Variants in NKAIN1 observed in about 807,000 individuals in gnomAD.
NKAIN1 encodes the protein sodium/potassium-transporting ATPase subunit beta-1-interacting protein 1.
In NKAIN1, 13 loss-of-function variants were observed where a neutral mutation model predicts 31.6. The ratio of observed to expected loss-of-function variants is 0.41; its 90% CI spans 0.27 to 0.65. The LOEUF (loss-of-function observed/expected upper bound fraction) is 0.65, where lower values mean the gene tolerates loss of function less well. Among genes scored for constraint, NKAIN1 ranks in the 30% least tolerant of loss-of-function variants. The probability of loss-of-function intolerance (pLI) is 0.30; values close to 1 mark genes in which losing one functional copy is unlikely to be tolerated. For missense variants in NKAIN1, 193 were observed against 262.2 expected (o/e 0.74, Z 1.82); for synonymous variants, 104 against 109.0 (o/e 0.95, Z 0.28).
chr1:31,230,213 T>C (rs181604811), intron 1 of NKAIN1, among the ~76,000 whole-genome samples: 115 of 152,308 alleles, frequency 7.6e-4, no homozygotes, highest in Middle Eastern at 6.8e-3. Flanking sequence ...GTACCCCCTT[T>C]GTGAGCTCCC....
Position 31,181,658 on chromosome 1 carries a change from G to C in NKAIN1, c.*45C>G. 7.0e-7 allele frequency: 1 copy of C among 1,430,860 alleles called. No homozygotes were observed. Among genetic ancestry groups the C allele is most frequent in the Non-Finnish European group, 9.2e-7 (1 of 1,086,138 alleles). The allele number at this position is 1,430,860 out of a possible 1,614,324, so 88.6% of individuals were successfully genotyped here. A position where few individuals can be genotyped will look rare whatever the true frequency, so the allele number is the denominator to read the frequency against. ...GCCTTGGCCCGAGCTCGCGGCAGCTGCGGTCAGCCCAGGGCGAGGCGCCGG... is the reference window on the plus strand; with the variant it reads ...GCCTTGGCCCGAGCTCGCGGCAGCTCCGGTCAGCCCAGGGCGAGGCGCCGG... On this transcript the variant is annotated 3_prime_UTR_variant, in exon 7 of 7. Transcript: ENST00000373736.
chr1:31,189,209 C>T (rs893035523), intron 1 of NKAIN1, among the ~76,000 whole-genome samples: 2 of 151,980 alleles, frequency 1.3e-5, no homozygotes, highest in South Asian at 2.1e-4. Flanking sequence ...TAGATCACCC[C>T]GGGTCACTAG....
At chr1:31,229,948 C>T (rs1320309988) in intron 1 of NKAIN1, among the ~76,000 whole-genome samples, 1 of 152,212 alleles carries the variant, frequency 6.6e-6, no homozygotes, top group Non-Finnish European at 1.5e-5. Flanking sequence ...TAGTGAGTGG[C>T]AGCCTGTGCC....
intron 1 of NKAIN1, among the ~76,000 whole-genome samples, chr1:31,237,866 A>G (rs545472190): frequency 6.6e-6 from 1 of 152,220 alleles, no homozygotes; most frequent in East Asian, 1.9e-4. Flanking sequence ...ATATATGTAT[A>G]TTACTTTTCT....
intron 1 of NKAIN1, among the ~76,000 whole-genome samples, chr1:31,197,203 C>A (rs1645334692): frequency 6.6e-6 from 1 of 151,296 alleles, no homozygotes; most frequent in Admixed American, 6.6e-5. Flanking sequence ...GCTCTGCCTC[C>A]CAGGTTCACG....
intron 1 of NKAIN1, among the ~76,000 whole-genome samples, chr1:31,225,033 C>CTTTTCTTTTTT (rs542671307): frequency 4.5e-5 from 5 of 112,132 alleles, no homozygotes; most frequent in African/African-American, 2.1e-4. Context: ...CTTTTCTTTT[C>CTTTTCTTTTTT]TTTTTTTTTT....
At chr1:31,238,875 C>G (rs1352558735) in intron 1 of NKAIN1, among the ~76,000 whole-genome samples, 1 of 152,108 alleles carries the variant, frequency 6.6e-6, no homozygotes, top group Non-Finnish European at 1.5e-5. Context: ...CAGGACTGCC[C>G]GGTCAGGAAG....
intron 1 of NKAIN1, among the ~76,000 whole-genome samples, chr1:31,209,621 G>A (rs571803902): frequency 5.3e-5 from 8 of 152,052 alleles, no homozygotes; most frequent in Non-Finnish European, 8.8e-5. Context: ...TTTGAGACCA[G>A]CCTGGGCAAC....
chr1:31,192,331 A>G (rs139903655), intron 1 of NKAIN1, among the ~76,000 whole-genome samples: 1,697 of 152,276 alleles, frequency 0.011, 29 homozygotes, highest in African/African-American at 0.039. Context: ...TCACCCAGCC[A>G]GGGTTCATCA....
At position 31,183,837 on chromosome 1, in the gene NKAIN1, C is replaced by A; in HGVS notation, c.451G>T (p.Ala151Ser). The change falls in exon 4 of 7, where the codon GCC becomes TCC. Residue 151 changes from alanine to serine, a missense_variant. By Grantham distance (99) the Ala-to-Ser change is moderately conservative. Transcript: ENST00000373736. ...DYPYIEALSS[A>S]LQIFLALFGF... ...CTTACTGCCAGGAAGATCTGCAGGG[C>A]GCTGCTGAGGGCTTCAATGTAGGGG... 1 of 1,613,256 alleles carries A rather than the reference C, an allele frequency of 6.2e-7. No individual in the cohort carries two copies. The highest frequency in any genetic ancestry group is 8.5e-7 in the Non-Finnish European group (1 of 1,179,618).
At chr1:31,224,769 C>A (rs1049620063) in intron 1 of NKAIN1, among the ~76,000 whole-genome samples, 1 of 152,234 alleles carries the variant, frequency 6.6e-6, no homozygotes, top group Non-Finnish European at 1.5e-5. Context: ...CCCACCAGCA[C>A]GGAGGTGACA....
chr1:31,199,935 C>G (rs1645363978), intron 1 of NKAIN1, among the ~76,000 whole-genome samples: 1 of 152,146 alleles, frequency 6.6e-6, no homozygotes, highest in Admixed American at 6.5e-5. Flanking sequence ...GGCTTCTCTG[C>G]CAGGTTCCCC....
chr1:31,192,664 C>T (rs1246898112), intron 1 of NKAIN1, among the ~76,000 whole-genome samples: 1 of 152,022 alleles, frequency 6.6e-6, no homozygotes, highest in Non-Finnish European at 1.5e-5. Context: ...CATTCTCCTG[C>T]CTCAGCCTCC....
At chr1:31,186,529 C>T (rs914367130) in intron 2 of NKAIN1, among the ~76,000 whole-genome samples, 2 of 151,000 alleles carry the variant, frequency 1.3e-5, no homozygotes, top group Non-Finnish European at 2.9e-5. Flanking sequence ...ATGTGTGTGA[C>T]ATCTTCTCAC....
chr1:31,235,862 C>A (rs1645689302), intron 1 of NKAIN1, among the ~76,000 whole-genome samples: 1 of 152,150 alleles, frequency 6.6e-6, no homozygotes, highest in Non-Finnish European at 1.5e-5. Context: ...CAGTGCCCAA[C>A]TACCTGCTAC....
intron 1 of NKAIN1, among the ~76,000 whole-genome samples, chr1:31,229,387 T>C (rs1243647824): frequency 6.6e-6 from 1 of 152,058 alleles, no homozygotes; most frequent in Admixed American, 6.5e-5. Context: ...CATGGGCATC[T>C]GGGGTGGGAG....
In NKAIN1 at chr1:31,193,129, C is replaced by T. The variant is rs866625041; in HGVS notation, c.55-4942G>A. On this transcript the variant is annotated intron_variant, in intron 1 of 6. Coordinates refer to ENST00000373736, the MANE Select transcript of NKAIN1 (RefSeq NM_024522.3). ...TGTCTCCCAGGCTGGAGTGCAGTGG[C>T]GTGATCTCGGCTCACTGCAAGCTCT... 2.6e-5 allele frequency among the ~76,000 whole-genome samples: 4 copies of T among 151,362 alleles called. No homozygotes were observed. The East Asian group carries it at 6.1e-4, about 23-fold the overall frequency.
intron 1 of NKAIN1, among the ~76,000 whole-genome samples, chr1:31,221,495 G>C (rs938850665): frequency 6.6e-6 from 1 of 152,142 alleles, no homozygotes; most frequent in Non-Finnish European, 1.5e-5. Context: ...GAGTGCAGTG[G>C]TGCGGTCTCG....
At chr1:31,211,612 T>TTTC in intron 1 of NKAIN1, among the ~76,000 whole-genome samples, 1 of 151,904 alleles carries the variant, frequency 6.6e-6, no homozygotes, top group Non-Finnish European at 1.5e-5. Context: ...CCTTTTTTTT[T>TTTC]TTTCAGGAAT....
Sources: allele counts gnomAD v4.1 joint callset (sites outside exome capture counted in the v4.1 genomes callset), GRCh38; gene constraint gnomAD v4.1.1; transcripts MANE v1.5; gene names NCBI Gene and HGNC (gene_info 2026-07-23, HGNC 2026-07-21).